Variants in B4GALT4 observed in about 807,000 individuals in gnomAD.
B4GALT4 encodes the protein N-acetyllactosamine synthase.
In B4GALT4, 27 loss-of-function variants were observed where a neutral mutation model predicts 37.3. That is an observed-to-expected ratio of 0.72 (90% confidence interval 0.53 to 1.00). B4GALT4 has a LOEUF of 1.00. Ranked by LOEUF, B4GALT4 falls within the 50% of genes least tolerant of loss-of-function variation. The probability of loss-of-function intolerance (pLI) is 0.00; values close to 1 mark genes in which losing one functional copy is unlikely to be tolerated. For missense variants in B4GALT4, 372 were observed against 413.1 expected (o/e 0.90, Z 0.86); for synonymous variants, 148 against 154.1 (o/e 0.96, Z 0.29).
intron 2 of B4GALT4, chr3:119,232,318 T>C (rs2107531116): frequency 6.6e-6 from 1 of 152,380 alleles, no homozygotes; most frequent in African/African-American, 2.4e-5. Context: ...ATCACTTATA[T>C]TAACCTATGT....
chr3:119,240,552 G>C (rs2079125702), intron 1 of B4GALT4: 1 of 152,218 alleles, frequency 6.6e-6, no homozygotes, highest in Admixed American at 6.5e-5. Context: ...ATGAGCCCTG[G>C]ATTTTTTCCT....
At chr3:119,225,376 A>T (rs773853503) in intron 4 of B4GALT4, among the ~76,000 whole-genome samples, 2 of 152,096 alleles carry the variant, frequency 1.3e-5, no homozygotes, top group Non-Finnish European at 2.9e-5. Context: ...CACGAAGCAG[A>T]CATATTTTTC....
In B4GALT4 at chr3:119,226,969, GA is replaced by G. The variant is rs763251369; in HGVS notation, c.325del (p.Ser109ProfsTer29). On this transcript the variant is annotated frameshift_variant, in exon 4 of 8. Coordinates refer to ENST00000393765, the MANE Select transcript of B4GALT4 (RefSeq NM_003778.4). LOFTEE classifies it high-confidence loss of function. ...EEVQAENPKV[S>X]RGRYRPQECK... ...TTCCTGAGGGCGATACCGGCCTCTGGACACTTTGGGATTTTCTGCCTGTACC... is the reference window on the plus strand; with the variant it reads ...TTCCTGAGGGCGATACCGGCCTCTGGCACTTTGGGATTTTCTGCCTGTACC... The G allele has an allele frequency of 1.1e-5, 18 of 1,614,164 alleles. No homozygotes were observed. Among genetic ancestry groups the G allele is most frequent in the Non-Finnish European group, 1.5e-5 (18 of 1,180,040 alleles).
rs548956592 is a variant in B4GALT4, at chr3:119,220,149, T to C, written c.675-1377A>G. On this transcript the variant is annotated intron_variant, in intron 5 of 7. Transcript: ENST00000393765. Reference sequence around the variant, plus strand: ...GCCCCTAACTTAAAATTCTGGGAAATTGTATTTTTGCAGCCTATAATAAAA... The same window carrying C: ...GCCCCTAACTTAAAATTCTGGGAAACTGTATTTTTGCAGCCTATAATAAAA... Among the ~76,000 whole-genome samples, 475 of 152,298 alleles carry C rather than the reference T, an allele frequency of 3.1e-3. 2 individuals are homozygous for C. Among genetic ancestry groups the C allele is most frequent in the African/African-American group, 0.011 (459 of 41,550 alleles).
intron 6 of B4GALT4, 55 bp downstream of exon 6, chr3:119,218,595 C>A: frequency 3.7e-6 from 6 of 1,609,638 alleles, no homozygotes; most frequent in Non-Finnish European, 5.1e-6. Flanking sequence ...ATGCAGGTCT[C>A]CAGAGCCACA....
rs2078167613 is a variant in B4GALT4 at position 119,211,746 on chromosome 3, T to C, written c.*803A>G. 1 of 167,408 alleles carries C rather than the reference T, an allele frequency of 6.0e-6. No individual in the cohort carries two copies. The highest frequency in any genetic ancestry group is 2.4e-5 in the African/African-American group (1 of 41,966). 10.4% of individuals were successfully genotyped at this position (167,408 alleles called of 1,614,324 possible). ...AAACACGAAGGAACACTCAAAGCTT[T>C]TTCACATTTTACTACAGAGGTATTT... On this transcript the variant is annotated 3_prime_UTR_variant, in exon 8 of 8. Coordinates refer to ENST00000393765, the MANE Select transcript of B4GALT4 (RefSeq NM_003778.4).
At chr3:119,233,710 C>T (rs1366789202) in intron 2 of B4GALT4, among the ~76,000 whole-genome samples, 2 of 152,222 alleles carry the variant, frequency 1.3e-5, no homozygotes, top group East Asian at 1.9e-4. Flanking sequence ...AAAGGTAAGA[C>T]ATTTATTCTA....
chr3:119,227,854 C>T (rs1049257659), intron 3 of B4GALT4, among the ~76,000 whole-genome samples: 2 of 152,180 alleles, frequency 1.3e-5, no homozygotes, highest in African/African-American at 2.4e-5. Context: ...GTCGCCATGA[C>T]TTGTTCCATG....
chr3:119,214,719 T>C (rs188374614), intron 7 of B4GALT4: 1 of 152,030 alleles, frequency 6.6e-6, no homozygotes, highest in Non-Finnish European at 1.5e-5. Flanking sequence ...CCCAAATACA[T>C]GAAAAGGGAA....
chr3:119,220,493 A>G (rs1006314696), intron 5 of B4GALT4, among the ~76,000 whole-genome samples: 1 of 152,254 alleles, frequency 6.6e-6, no homozygotes, highest in African/African-American at 2.4e-5. Context: ...AGAGGTGAAC[A>G]TTATCAGGGT....
At chr3:119,214,901 T>C (rs2078249697) in intron 7 of B4GALT4, 1 of 152,280 alleles carries the variant, frequency 6.6e-6, no homozygotes, top group East Asian at 1.9e-4. Flanking sequence ...AGACTGGCAA[T>C]ATCGAAACTC....
In B4GALT4 at chr3:119,212,059, G is replaced by T; in HGVS notation, c.*490C>A. 2 of 677,300 alleles carry T rather than the reference G, an allele frequency of 3.0e-6. No individual in the cohort carries two copies. The highest frequency in any genetic ancestry group is 1.6e-5 in the South Asian group (1 of 63,800). The allele number at this position is 677,300 out of a possible 1,614,324, so 42.0% of individuals were successfully genotyped here. On this transcript the variant is annotated 3_prime_UTR_variant, in exon 8 of 8. Transcript: ENST00000393765. ...GTCGCCTTTTCTCCCCTCTTTTGTG[G>T]ACGCCTTCTCACCTGACACCACCAC...
chr3:119,236,192 G>A (rs768089517), intron 2 of B4GALT4: 2 of 151,896 alleles, frequency 1.3e-5, no homozygotes, highest in African/African-American at 2.4e-5. Context: ...GGTACTCTTC[G>A]AAGAATCAAA....
Position 119,226,923 on chromosome 3 carries a change from G to C in B4GALT4, c.372C>G (p.Val124=), listed in dbSNP as rs146077977. 7.4e-6 allele frequency: 12 copies of C among 1,614,062 alleles called. No individual in the cohort carries two copies. Among genetic ancestry groups the C allele is most frequent in the Non-Finnish European group, 1.0e-5 (12 of 1,180,012 alleles). ...RPQECKALQR[V]AILVPHRNRE... is the part of the protein sequence containing the mutation. ...TGTTCCGGTGGGGAACGAGGATGGC[G>C]ACCCTCTGTAAAGCTTTACATTCCT... The change falls in exon 4 of 8, where the codon GTC becomes GTG. Residue 124 remains valine (V), a synonymous_variant. Transcript: ENST00000393765.
intron 5 of B4GALT4, 52 bp from the exon 6 acceptor site, chr3:119,218,824 C>T (rs1392024177): frequency 1.2e-6 from 2 of 1,604,568 alleles, no homozygotes; most frequent in Non-Finnish European, 1.7e-6. Context: ...CCAAAGGTCT[C>T]TGATTTCAGG....
At chr3:119,214,581 A>G (rs920785365) in intron 7 of B4GALT4, 1 of 152,200 alleles carries the variant, frequency 6.6e-6, no homozygotes, top group African/African-American at 2.4e-5. Flanking sequence ...ATGAGTACCA[A>G]AAAGTACAAG....
chr3:119,228,919 C>T (rs533769080), intron 3 of B4GALT4, among the ~76,000 whole-genome samples: 59 of 131,556 alleles, frequency 4.5e-4, no homozygotes, highest in Non-Finnish European at 5.5e-4. Context: ...TGTGCGCACA[C>T]ACACCAAGGA....
rs747583235 is a variant in B4GALT4, at chr3:119,216,240, C to G, written c.902G>C (p.Arg301Pro). 1 of 1,607,948 alleles carries G rather than the reference C, an allele frequency of 6.2e-7. No homozygotes were observed. Among genetic ancestry groups the G allele is most frequent in the Admixed American group, 1.7e-5 (1 of 59,336 alleles). Residue 301 changes from arginine (R) to proline (P), a missense_variant and splice_region_variant, in exon 7 of 8, where the codon CGG becomes CCG. Coordinates refer to ENST00000393765, the MANE Select transcript of B4GALT4 (RefSeq NM_003778.4). ...RDKGNEVNAERMKLLHQVSRV... is the reference protein window; with the variant it reads ...RDKGNEVNAEPMKLLHQVSRV... ...CTAGGCAGGTGAAGCCAGGACTTAC[C>G]GTTCTGCGTTCACCTCATTGCCTTT... is the stretch of plus-strand genomic sequence containing the variant.
chr3:119,222,250 T>C (rs980570098), intron 5 of B4GALT4, among the ~76,000 whole-genome samples: 5 of 152,182 alleles, frequency 3.3e-5, no homozygotes, highest in Non-Finnish European at 7.3e-5. Context: ...AGTGAACAGA[T>C]GGTGACATGC....
Sources: allele counts gnomAD v4.1 joint callset (sites outside exome capture counted in the v4.1 genomes callset), GRCh38; gene constraint gnomAD v4.1.1; transcripts MANE v1.5; gene names NCBI Gene and HGNC (gene_info 2026-07-23, HGNC 2026-07-21).